NOX4: variants seen among roughly 807,000 people sequenced by gnomAD.
NOX4 encodes the protein kidney oxidase-1.
A neutral mutation model predicts 87.6 loss-of-function variants in NOX4; 69 were observed. The ratio of observed to expected loss-of-function variants is 0.79; its 90% CI spans 0.65 to 0.96. The LOEUF (loss-of-function observed/expected upper bound fraction) is 0.96. NOX4 is among the 40% of genes least tolerant of loss of function. The pLI, the probability that NOX4 is intolerant of heterozygous loss-of-function variation, is 0.00. For missense variants in NOX4, 680 were observed against 681.5 expected (o/e 1.00, Z 0.02); for synonymous variants, 275 against 238.2 (o/e 1.15, Z -1.42).
chr11:89,422,054 G>T, intron 7 of NOX4, 72 bp from the exon 8 acceptor site: 1 of 794,766 alleles, frequency 1.3e-6, no homozygotes, highest in Non-Finnish European at 2.0e-6. Flanking sequence ...AAAATACCAT[G>T]TATCATTTCA....
chr11:89,325,820 G>GA lies in NOX4; in HGVS notation c.*935dup, dbSNP rs1367025266. ...ACAGCCTAAGACAAACCCTACCTGGGAAAAAAACAATAATAATAATAGAGA... is the reference window on the plus strand; with the variant it reads ...ACAGCCTAAGACAAACCCTACCTGGGAAAAAAAACAATAATAATAATAGAGA... On this transcript the variant is annotated 3_prime_UTR_variant, in exon 18 of 18. Coordinates refer to ENST00000263317, the MANE Select transcript of NOX4 (RefSeq NM_016931.5). 1.4e-5 allele frequency: 2 copies of GA among 145,504 alleles called. No homozygotes were observed. Among genetic ancestry groups the GA allele is most frequent in the South Asian group, 2.2e-4 (1 of 4,632 alleles). The allele number at this position is 145,504 out of a possible 1,614,324, so 9.0% of individuals were successfully genotyped here. A position where few individuals can be genotyped will look rare whatever the true frequency, so the allele number is the denominator to read the frequency against.
intron 6 of NOX4, among the ~76,000 whole-genome samples, chr11:89,435,390 C>G (rs1038662242): frequency 1.3e-5 from 2 of 151,824 alleles, no homozygotes; most frequent in South Asian, 2.1e-4. Flanking sequence ...ATTACTTCAT[C>G]GAAAGAACAC....
At chr11:89,505,338 G>A in the NOX4 span, among the ~76,000 whole-genome samples, 1 of 152,064 alleles carries the variant, frequency 6.6e-6, no homozygotes, top group African/African-American at 2.4e-5. Flanking sequence ...AGCCCGATAA[G>A]TTGTTAAATG....
intron 12 of NOX4, among the ~76,000 whole-genome samples, chr11:89,360,052 G>A (rs1446881594): frequency 1.3e-5 from 2 of 151,902 alleles, no homozygotes; most frequent in African/African-American, 2.4e-5. Flanking sequence ...AGAACACCTA[G>A]TATATTGTAA....
At chr11:89,481,741 G>C (rs1474094638) in intron 2 of NOX4, among the ~76,000 whole-genome samples, 1 of 152,046 alleles carries the variant, frequency 6.6e-6, no homozygotes, top group Non-Finnish European at 1.5e-5. Flanking sequence ...GCTTTGCACT[G>C]AGTCCATAAA....
At chr11:89,470,501 A>G (rs991303885) in intron 2 of NOX4, among the ~76,000 whole-genome samples, 1 of 152,188 alleles carries the variant, frequency 6.6e-6, no homozygotes, top group Non-Finnish European at 1.5e-5. Context: ...GAATACCAAA[A>G]GTGATTACCC....
chr11:89,427,085 C>A (rs779363655), intron 7 of NOX4, among the ~76,000 whole-genome samples: 54 of 152,170 alleles, frequency 3.5e-4, no homozygotes, highest in Non-Finnish European at 6.6e-4. Flanking sequence ...GTTCTGCAGC[C>A]TGCACTGCTG....
At chr11:89,492,914 G>C (rs2135504666), upstream of NOX4, among the ~76,000 whole-genome samples, 1 of 152,270 alleles carries the variant, frequency 6.6e-6, no homozygotes, top group Non-Finnish European at 1.5e-5. Context: ...ATTTTTAAAA[G>C]CTTAGAGACT....
the NOX4 span, among the ~76,000 whole-genome samples, chr11:89,567,413 C>T: frequency 6.6e-6 from 1 of 152,172 alleles, no homozygotes; most frequent in African/African-American, 2.4e-5. Flanking sequence ...CTCACAACCC[C>T]AGTCTATTCG....
intron 8 of NOX4, among the ~76,000 whole-genome samples, chr11:89,418,289 G>T (rs1942890478): frequency 6.6e-6 from 1 of 151,564 alleles, no homozygotes; most frequent in Non-Finnish European, 1.5e-5. Context: ...CCAAATGGGG[G>T]CCAGCATAAC....
At chr11:89,455,412 G>C (rs537222432) in intron 2 of NOX4, among the ~76,000 whole-genome samples, 4 of 151,952 alleles carry the variant, frequency 2.6e-5, no homozygotes, top group Non-Finnish European at 4.4e-5. Flanking sequence ...CTGCACCCAG[G>C]TAGTAAGTTT....
At chr11:89,386,796 G>C (rs1940742196) in intron 11 of NOX4, among the ~76,000 whole-genome samples, 1 of 152,130 alleles carries the variant, frequency 6.6e-6, no homozygotes, top group South Asian at 2.1e-4. Context: ...AACCAAGCAA[G>C]TAATTATGCT....
chr11:89,520,196 C>T, the NOX4 span, among the ~76,000 whole-genome samples: 3 of 151,764 alleles, frequency 2.0e-5, no homozygotes, highest in Non-Finnish European at 2.9e-5. Context: ...ACAGTTATTG[C>T]CCTGAAGAGG....
chr11:89,368,780 T>G (rs1484957543), intron 12 of NOX4, among the ~76,000 whole-genome samples: 1 of 152,028 alleles, frequency 6.6e-6, no homozygotes, highest in Non-Finnish European at 1.5e-5. Context: ...CTGTGAGTGA[T>G]GGGAAGCTAT....
At chr11:89,455,080 T>G (rs2135398170) in intron 2 of NOX4, among the ~76,000 whole-genome samples, 1 of 152,254 alleles carries the variant, frequency 6.6e-6, no homozygotes. Context: ...TACATTATGC[T>G]TAGTTGCCAG....
the NOX4 span, among the ~76,000 whole-genome samples, chr11:89,578,392 C>G: frequency 6.6e-6 from 1 of 152,246 alleles, no homozygotes; most frequent in Non-Finnish European, 1.5e-5. Flanking sequence ...TATCTCTTGA[C>G]CTCGTGATCC....
intron 8 of NOX4, among the ~76,000 whole-genome samples, chr11:89,407,495 T>A (rs1942252493): frequency 6.6e-6 from 1 of 152,038 alleles, no homozygotes; most frequent in South Asian, 2.1e-4. Flanking sequence ...AATAAAGGAT[T>A]TTATGGAGTT....
intron 13 of NOX4, among the ~76,000 whole-genome samples, chr11:89,354,152 G>A (rs527553481): frequency 1.3e-5 from 2 of 152,232 alleles, no homozygotes; most frequent in South Asian, 2.1e-4. Context: ...GATGAAATAT[G>A]TATAAACCAA....
At chr11:89,429,135 G>T (rs1321466960) in intron 7 of NOX4, among the ~76,000 whole-genome samples, 1 of 152,130 alleles carries the variant, frequency 6.6e-6, no homozygotes, top group Non-Finnish European at 1.5e-5. Flanking sequence ...AATGAAGGCA[G>T]AAATAAAGAT....
Sources: gnomAD v4.1 joint callset for allele counts (sites outside exome capture counted in the v4.1 genomes callset) on GRCh38, gnomAD v4.1.1 for gene constraint, MANE v1.5 for transcripts, NCBI Gene and HGNC (gene_info 2026-07-23, HGNC 2026-07-21) for gene names.